The following FRS2 variants were observed in gnomAD, a reference collection of about 807,000 sequenced individuals.
FRS2 encodes the protein fibroblast growth factor receptor substrate 2, also known as FGFR signalling adaptor.
A neutral mutation model predicts 43.9 loss-of-function variants in FRS2; 8 were observed. The ratio of observed to expected loss-of-function variants is 0.18; its 90% CI spans 0.11 to 0.33. The LOEUF (loss-of-function observed/expected upper bound fraction) is 0.33, where lower values mean the gene tolerates loss of function less well. FRS2 is among the 10% of genes least tolerant of loss of function. FRS2 has a pLI of 1.00. For synonymous variants in FRS2, 219 were observed against 220.3 expected (o/e 0.99, Z 0.05); for missense variants, 534 against 627.6 (o/e 0.85, Z 1.59).
Position 69,571,434 on chromosome 12 carries a change from A to G in FRS2, c.412A>G (p.Thr138Ala), listed in dbSNP as rs772398767. 14 of 1,609,162 alleles carry G rather than the reference A, an allele frequency of 8.7e-6. No individual in the cohort carries two copies. In the South Asian group the frequency reaches 1.3e-4, roughly 15 times the overall value. The change falls in exon 7 of 9, where the codon ACT (threonine) becomes GCT (alanine). Residue 138 changes from threonine (T) to alanine (A), a missense_variant and splice_region_variant. Physicochemically the swap from Thr to Ala is moderately conservative, Grantham distance 58. This residue lies in a region of FRS2 where 446 missense variants were observed against 494.2 expected (regional missense o/e 0.90). Coordinates refer to ENST00000549921, the MANE Select transcript of FRS2 (RefSeq NM_001278356.2). ...EVPRTPRTPT[T>A]PGFAAQNLPN... is the part of the protein sequence containing the mutation. ...CCCTAGAACACCTCGAACACCTACA[A>G]GTAAGTACCCCTTTTCCCTTTCACA...
chr12:69,483,897 CT>C (rs1871577352), intron 1 of FRS2, among the ~76,000 whole-genome samples: 3 of 152,006 alleles, frequency 2.0e-5, no homozygotes, highest in Admixed American at 6.6e-5. Flanking sequence ...TCACTGTATT[CT>C]TTTAGATTGG....
chr12:69,569,159 C>T (rs962720432), intron 5 of FRS2, 63 bp downstream of exon 5: 1 of 871,100 alleles, frequency 1.1e-6, no homozygotes, highest in Non-Finnish European at 1.9e-6. Flanking sequence ...TTTTATTTCA[C>T]TTAACATATC....
intron 1 of FRS2, among the ~76,000 whole-genome samples, chr12:69,495,390 G>T (rs546424175): frequency 6.6e-6 from 1 of 152,156 alleles, no homozygotes; most frequent in Admixed American, 6.5e-5. Context: ...TGCCTGGTGG[G>T]CCTAGCATTT....
At chr12:69,477,164 G>A (rs1322503279) in intron 1 of FRS2, among the ~76,000 whole-genome samples, 1 of 151,634 alleles carries the variant, frequency 6.6e-6, no homozygotes, top group Non-Finnish European at 1.5e-5. Flanking sequence ...CCCAAAGTGT[G>A]CCTGCTATAA....
intron 8 of FRS2, among the ~76,000 whole-genome samples, chr12:69,572,978 A>C (rs767500165): frequency 2.0e-4 from 31 of 152,012 alleles, no homozygotes; most frequent in Non-Finnish European, 3.5e-4. Context: ...TTACAGGCGC[A>C]GGCCACCACA....
intron 3 of FRS2, among the ~76,000 whole-genome samples, chr12:69,556,482 A>G (rs1593048439): frequency 6.6e-6 from 1 of 152,158 alleles, no homozygotes; most frequent in Non-Finnish European, 1.5e-5. Context: ...ACAGGCATGT[A>G]CCATCGCACC....
At chr12:69,548,799 A>ATCTC (rs1186329362) in intron 3 of FRS2, among the ~76,000 whole-genome samples, 1 of 152,128 alleles carries the variant, frequency 6.6e-6, no homozygotes, top group African/African-American at 2.4e-5. Context: ...GGGGACAGAG[A>ATCTC]GAAGAAGTGG....
intron 1 of FRS2, among the ~76,000 whole-genome samples, chr12:69,498,421 T>C (rs1873103194): frequency 6.6e-6 from 1 of 152,140 alleles, no homozygotes; most frequent in South Asian, 2.1e-4. Context: ...CCGTGAGGTG[T>C]AGAGCAAGCT....
At chr12:69,538,197 T>TTTTATA (rs869192774) in intron 3 of FRS2, among the ~76,000 whole-genome samples, 1 of 81,636 alleles carries the variant, frequency 1.2e-5, no homozygotes, top group Admixed American at 1.2e-4. Context: ...AAAACAAATT[T>TTTTATA]TATATATATA....
At chr12:69,534,317 T>C (rs888927701) in intron 3 of FRS2, among the ~76,000 whole-genome samples, 1 of 152,204 alleles carries the variant, frequency 6.6e-6, no homozygotes, top group African/African-American at 2.4e-5. Flanking sequence ...TAGAGTTCCT[T>C]ATTAGCTGGC....
intron 4 of FRS2, among the ~76,000 whole-genome samples, chr12:69,565,035 C>T (rs1880171584): frequency 6.6e-6 from 1 of 152,214 alleles, no homozygotes; most frequent in South Asian, 2.1e-4. Flanking sequence ...AGTTTCGTCA[C>T]TGCGCAAACG....
At chr12:69,531,615 T>TA (rs930994016) in intron 2 of FRS2, among the ~76,000 whole-genome samples, 18 of 150,590 alleles carry the variant, frequency 1.2e-4, no homozygotes, top group African/African-American at 3.9e-4. Context: ...TGTGAATATG[T>TA]AAAAAAAACA....
At chr12:69,550,690 A>G (rs1878798607) in intron 3 of FRS2, among the ~76,000 whole-genome samples, 1 of 152,252 alleles carries the variant, frequency 6.6e-6, no homozygotes, top group Non-Finnish European at 1.5e-5. Context: ...CCATTTGTCA[A>G]TTACATGAGG....
In FRS2 at chr12:69,477,709, C is replaced by CTTAT. The variant is rs138396374; in HGVS notation, c.-261+7222_-261+7225dup. Reference sequence around the variant, plus strand: ...ACTGTGCTTAAATATTTAATAGTAGCTTATTTATTTATTTATTTATTTATT... The same window carrying CTTAT: ...ACTGTGCTTAAATATTTAATAGTAGCTTATTTATTTATTTATTTATTTATTTATT... On this transcript the variant is annotated intron_variant, in intron 1 of 8. Transcript: ENST00000549921. Among the ~76,000 whole-genome samples, 697 of 142,162 alleles carry CTTAT rather than the reference C, an allele frequency of 4.9e-3. 9 individuals are homozygous for CTTAT. The highest frequency in any genetic ancestry group is 0.011 in the African/African-American group (412 of 37,650). The allele number at this position is 142,162 out of a possible 152,430, so 93.3% of individuals were successfully genotyped here. A position where few individuals can be genotyped will look rare whatever the true frequency, so the allele number is the denominator to read the frequency against.
chr12:69,523,013 T>C (rs191370259), intron 1 of FRS2, among the ~76,000 whole-genome samples: 16 of 152,338 alleles, frequency 1.1e-4, no homozygotes, highest in Admixed American at 1.0e-3. Flanking sequence ...GTGTAGTTGA[T>C]TTTAGAGTAT....
intron 1 of FRS2, among the ~76,000 whole-genome samples, chr12:69,509,439 G>T (rs767837486): frequency 1.3e-5 from 2 of 152,116 alleles, no homozygotes; most frequent in Non-Finnish European, 2.9e-5. Context: ...TTAAATTGTG[G>T]TAAAATATAA....
At chr12:69,560,868 C>T (rs1199871192) in intron 3 of FRS2, among the ~76,000 whole-genome samples, 6 of 152,092 alleles carry the variant, frequency 3.9e-5, no homozygotes, top group Admixed American at 3.9e-4. Context: ...TGTTTAACTT[C>T]ATTTCAAAGC....
chr12:69,512,329 C>G (rs1244370274), intron 1 of FRS2, among the ~76,000 whole-genome samples: 1 of 152,090 alleles, frequency 6.6e-6, no homozygotes, highest in African/African-American at 2.4e-5. Context: ...GCCTTAGGAC[C>G]TTTTTAGCTC....
At chr12:69,570,287 C>A (rs375603679) in intron 5 of FRS2, 44 bp from the exon 6 acceptor site, 4 of 1,397,832 alleles carry the variant, frequency 2.9e-6, no homozygotes, top group African/African-American at 2.8e-5. Context: ...ATTTTCCTGA[C>A]GAATTGGTGA....
Sources: gnomAD v4.1 joint callset for allele counts (sites outside exome capture counted in the v4.1 genomes callset) on GRCh38, gnomAD v4.1.1 for gene constraint, gnomAD v4.1.1 regional missense constraint, MANE v1.5 for transcripts, NCBI Gene and HGNC (gene_info 2026-07-23, HGNC 2026-07-21) for gene names.